STARD3: variants seen among roughly 807,000 people sequenced by gnomAD.
The protein encoded by STARD3 is stAR-related lipid transfer protein 3.
STARD3 carries 39 observed loss-of-function variants against 62.0 expected under a neutral mutation model. The ratio of observed to expected loss-of-function variants is 0.63; its 90% CI spans 0.49 to 0.82. STARD3 has a LOEUF of 0.82. STARD3 is among the 40% of genes least tolerant of loss of function. The probability of loss-of-function intolerance (pLI) is 0.00; values close to 1 mark genes in which losing one functional copy is unlikely to be tolerated. For synonymous variants in STARD3, 229 were observed against 242.4 expected (o/e 0.94, Z 0.51); for missense variants, 543 against 584.5 (o/e 0.93, Z 0.73).
chr17:39,658,297 C>A, intron 5 of STARD3, 108 bp from the exon 6 acceptor site: 1 of 1,055,112 alleles, frequency 9.5e-7, no homozygotes, highest in Non-Finnish European at 1.4e-6. Flanking sequence ...CAGCTGCTAC[C>A]AGGAATGGGG....
In STARD3 at chr17:39,658,434, G is replaced by A. The variant is rs36015615; in HGVS notation, c.459G>A (p.Leu153=). The A allele has an allele frequency of 5.0e-4, 799 of 1,614,132 alleles. 6 individuals are homozygous for A. Among genetic ancestry groups the A allele is most frequent in the Middle Eastern group, 2.0e-3 (12 of 6,060 alleles). ...ELLSKGAFGY[L]LPIVSFVLAW... is the part of the protein sequence containing the mutation. Reference sequence around the variant, plus strand: ...TCAGCAAAGGGGCATTTGGCTACCTGCTCCCCATCGTCTCTTTTGTCCTCG... The same window carrying A: ...TCAGCAAAGGGGCATTTGGCTACCTACTCCCCATCGTCTCTTTTGTCCTCG... Residue 153 remains leucine (L), a synonymous_variant, in exon 6 of 15, where the codon CTG becomes CTA. Coordinates refer to ENST00000336308, the MANE Select transcript of STARD3 (RefSeq NM_006804.4).
In STARD3 at chr17:39,663,332, T is replaced by C. The variant is rs1176707892; in HGVS notation, c.*424T>C. On this transcript the variant is annotated 3_prime_UTR_variant, in exon 15 of 15. Coordinates refer to ENST00000336308, the MANE Select transcript of STARD3 (RefSeq NM_006804.4). ...GGTTTTTTTAGGATTATTGAAAGAG[T>C]CTGGGACCCTTGTTGGGGAGTGGGT... is the stretch of plus-strand genomic sequence containing the variant. 7 of 349,000 alleles carry C rather than the reference T, an allele frequency of 2.0e-5. No individual in the cohort carries two copies. The Admixed American group carries it at 2.9e-4, about 14-fold the overall frequency. 21.6% of individuals were successfully genotyped at this position (349,000 alleles called of 1,614,324 possible). A position where few individuals can be genotyped will look rare whatever the true frequency, so the allele number is the denominator to read the frequency against.
intron 1 of STARD3, among the ~76,000 whole-genome samples, chr17:39,648,867 A>G (rs2144943969): frequency 6.6e-6 from 1 of 152,282 alleles, no homozygotes; most frequent in Non-Finnish European, 1.5e-5. Context: ...TTGCCACTCC[A>G]AGTGCGTCTC....
At chr17:39,637,624 C>T (rs2056944043) in intron 1 of STARD3, 1 of 152,228 alleles carries the variant, frequency 6.6e-6, no homozygotes, top group South Asian at 2.1e-4. Flanking sequence ...CAGTGTCATC[C>T]CGTGTCTCCC....
At chr17:39,654,157 C>T (rs1052079783) in intron 2 of STARD3, among the ~76,000 whole-genome samples, 9 of 138,836 alleles carry the variant, frequency 6.5e-5, no homozygotes, top group Non-Finnish European at 1.1e-4. Flanking sequence ...TTCATTCATT[C>T]GTTTGTTCGA....
At position 39,658,770 on chromosome 17, in the gene STARD3, C is replaced by G. The variant is rs766946805; in HGVS notation, c.596C>G (p.Ser199Cys). Residue 199 changes from serine to cysteine, a missense_variant, in exon 7 of 15, where the codon TCC becomes TGC. Transcript: ENST00000336308. ...VAVARGPLLF[S>C]GALSEGQFYS... ...GTTGCCCGTGGACCCCTGCTGTTCT[C>G]CGGTGCTCTGTCCGAGGGACAGTTC... is the stretch of plus-strand genomic sequence containing the variant. The G allele has an allele frequency of 2.5e-6, 4 of 1,613,906 alleles. No individual in the cohort carries two copies. The highest frequency in any genetic ancestry group is 3.4e-6 in the Non-Finnish European group (4 of 1,180,010).
At chr17:39,651,031 T>C (rs1410772545) in intron 1 of STARD3, among the ~76,000 whole-genome samples, 2 of 152,164 alleles carry the variant, frequency 1.3e-5, no homozygotes, top group African/African-American at 2.4e-5. Flanking sequence ...CTGATAGATG[T>C]TGGGGATCCC....
At chr17:39,642,810 A>C (rs1479450005) in intron 1 of STARD3, among the ~76,000 whole-genome samples, 2 of 152,146 alleles carry the variant, frequency 1.3e-5, no homozygotes, top group Non-Finnish European at 2.9e-5. Flanking sequence ...TGAGAGAGCA[A>C]GTCATGCAAA....
intron 1 of STARD3, chr17:39,652,733 T>C (rs1330174640): frequency 1.3e-5 from 2 of 152,006 alleles, no homozygotes; most frequent in Non-Finnish European, 2.9e-5. Flanking sequence ...GAGGGCCTGG[T>C]GAGGAGACTG....
rs1379128541 is a variant in STARD3 at position 39,657,852 on chromosome 17, G to T, written c.375G>T (p.Ala125=). 1.9e-6 allele frequency: 3 copies of T among 1,614,078 alleles called. No individual in the cohort carries two copies. The highest frequency in any genetic ancestry group is 2.5e-6 in the Non-Finnish European group (3 of 1,180,032). ...VLRLRHWWVI[A]VTTLVSSAFL... Reference sequence around the variant, plus strand: ...GGCTCCGGCACTGGTGGGTGATTGCGGTAAGATGCCACTTTCCTGGCAGCT... The same window carrying T: ...GGCTCCGGCACTGGTGGGTGATTGCTGTAAGATGCCACTTTCCTGGCAGCT... The change falls in exon 4 of 15, where the codon GCG becomes GCT. Residue 125 remains alanine, a splice_region_variant and synonymous_variant. Transcript: ENST00000336308.
intron 3 of STARD3, 119 bp downstream of exon 3, chr17:39,657,204 C>A: frequency 1.0e-6 from 1 of 955,774 alleles, no homozygotes; most frequent in Non-Finnish European, 1.6e-6. Context: ...CGGCTCCCAT[C>A]CTTCGGGAGC....
intron 1 of STARD3, among the ~76,000 whole-genome samples, chr17:39,642,850 C>T (rs1892999538): frequency 6.6e-6 from 1 of 152,044 alleles, no homozygotes; most frequent in Non-Finnish European, 1.5e-5. Flanking sequence ...GACAGAGCAG[C>T]AGGTGCAAGG....
At chr17:39,640,286 A>C (rs1015988145) in intron 1 of STARD3, among the ~76,000 whole-genome samples, 9 of 152,330 alleles carry the variant, frequency 5.9e-5, no homozygotes, top group Admixed American at 5.9e-4. Context: ...AGGTAAGGTC[A>C]AGATCACTCA....
intron 1 of STARD3, among the ~76,000 whole-genome samples, chr17:39,648,304 TA>T (rs959050485): frequency 6.7e-6 from 1 of 148,980 alleles, no homozygotes; most frequent in Non-Finnish European, 1.5e-5. Context: ...TAATAAAAAA[TA>T]AAAAAATAAA....
chr17:39,637,306 C>T (rs1392602793), intron 1 of STARD3, 75 bp downstream of exon 1: 1 of 152,326 alleles, frequency 6.6e-6, no homozygotes, highest in Non-Finnish European at 1.5e-5. Context: ...CGCTTCGCCG[C>T]CCGCTGTCCG....
chr17:39,647,287 C>T (rs1342798376), intron 1 of STARD3, among the ~76,000 whole-genome samples: 1 of 152,148 alleles, frequency 6.6e-6, no homozygotes, highest in East Asian at 1.9e-4. Flanking sequence ...TGCAGACACT[C>T]GACTGTCAAG....
intron 1 of STARD3, among the ~76,000 whole-genome samples, chr17:39,644,555 A>G (rs2057007561): frequency 6.6e-6 from 1 of 151,658 alleles, no homozygotes; most frequent in African/African-American, 2.4e-5. Context: ...GACCTAGGCC[A>G]GGTATAAAAG....
rs746383871 is a variant in STARD3, at chr17:39,653,699, C to T, written c.168C>T (p.Phe56=). 13 of 1,614,212 alleles carry T rather than the reference C, an allele frequency of 8.1e-6. No homozygotes were observed. The highest frequency in any genetic ancestry group is 5.0e-5 in the Admixed American group (3 of 60,034). The stretch of plus-strand genomic sequence containing the variant: ...ATGTCCGCCGCACCTTCTGTCTCTT[C>T]GTCACCTTCGACCTGCTCTTCATCT... ...ISDVRRTFCL[F]VTFDLLFISL... Residue 56 remains phenylalanine, a synonymous_variant, in exon 2 of 15, where the codon TTC becomes TTT. Transcript: ENST00000336308.
chr17:39,643,236 C>A (rs1331226371), intron 1 of STARD3, among the ~76,000 whole-genome samples: 1 of 152,074 alleles, frequency 6.6e-6, no homozygotes, highest in African/African-American at 2.4e-5. Flanking sequence ...GAGGTGTGAC[C>A]AGATGAATGC....
Sources: allele counts gnomAD v4.1 joint callset (sites outside exome capture counted in the v4.1 genomes callset), GRCh38; gene constraint gnomAD v4.1.1; transcripts MANE v1.5; gene names NCBI Gene and HGNC (gene_info 2026-07-23, HGNC 2026-07-21).